The following NLGN1 variants were observed in gnomAD, a reference collection of about 807,000 sequenced individuals.
The protein encoded by NLGN1 is neuroligin 1, also known as neuroligin-1.
NLGN1 carries 12 observed loss-of-function variants against 65.5 expected under a neutral mutation model. That is an observed-to-expected ratio of 0.18 (90% confidence interval 0.12 to 0.30). The LOEUF (loss-of-function observed/expected upper bound fraction) is 0.30. NLGN1 is among the 10% of genes least tolerant of loss of function. The pLI is 1.00. For synonymous variants in NLGN1, 350 were observed against 359.5 expected, an observed-to-expected ratio of 0.97 and a Z score of 0.30; for missense variants, 750 against 1,007.1, an observed-to-expected ratio of 0.74 and a Z score of 3.46.
At chr3:174,113,681 C>T (rs1715721670) in intron 4 of NLGN1, among the ~76,000 whole-genome samples, 1 of 152,122 alleles carries the variant, frequency 6.6e-6, no homozygotes, top group South Asian at 2.1e-4. Flanking sequence ...GCATAAATAA[C>T]ACTTATCTAT....
intron 4 of NLGN1, among the ~76,000 whole-genome samples, chr3:174,073,275 A>C (rs964599183): frequency 6.6e-6 from 1 of 152,124 alleles, no homozygotes; most frequent in African/African-American, 2.4e-5. Context: ...TCCATCGCAA[A>C]GTTTGTGTAC....
chr3:173,904,660 GGGAA>G (rs1199868187), intron 4 of NLGN1, among the ~76,000 whole-genome samples: 1 of 151,986 alleles, frequency 6.6e-6, no homozygotes, highest in Non-Finnish European at 1.5e-5. Context: ...AGAATTTCAG[GGGAA>G]GAGACACTCA....
At chr3:173,602,823 T>C (rs1029267615) in intron 2 of NLGN1, among the ~76,000 whole-genome samples, 2 of 152,054 alleles carry the variant, frequency 1.3e-5, no homozygotes, top group Non-Finnish European at 2.9e-5. Flanking sequence ...CAGCATTATA[T>C]ACACTTTACA....
chr3:174,145,330 T>C (rs1723006917), intron 4 of NLGN1, among the ~76,000 whole-genome samples: 1 of 151,880 alleles, frequency 6.6e-6, no homozygotes, highest in Non-Finnish European at 1.5e-5. Flanking sequence ...CTGGCCAACA[T>C]GATGAAAACC....
At chr3:173,636,914 G>A (rs781000564) in intron 3 of NLGN1, among the ~76,000 whole-genome samples, 68 of 152,186 alleles carry the variant, frequency 4.5e-4, no homozygotes, top group Admixed American at 2.9e-3. Context: ...AGACAATGGG[G>A]TATCTCCTTA....
chr3:174,204,849 GTT>G (rs35124357), intron 4 of NLGN1, among the ~76,000 whole-genome samples: 113,406 of 151,578 alleles, frequency 0.75, 42,363 homozygotes, highest in East Asian at 0.8. Flanking sequence ...CTTCAAACAG[GTT>G]TTTTTTTTAG....
At chr3:173,913,684 A>AG (rs1466783588) in intron 4 of NLGN1, among the ~76,000 whole-genome samples, 1 of 152,194 alleles carries the variant, frequency 6.6e-6, no homozygotes. Flanking sequence ...TCATGCAAAA[A>AG]GTATGTCGAG....
At chr3:173,932,592 T>A (rs1003044461) in intron 4 of NLGN1, among the ~76,000 whole-genome samples, 1 of 152,216 alleles carries the variant, frequency 6.6e-6, no homozygotes, top group East Asian at 1.9e-4. Flanking sequence ...ATACTATTGC[T>A]CAGGAGAATT....
At chr3:174,006,626 C>A (rs116210832) in intron 4 of NLGN1, among the ~76,000 whole-genome samples, 3,193 of 152,178 alleles carry the variant, frequency 0.021, 54 homozygotes, top group Non-Finnish European at 0.032. Context: ...TAGTAATAGA[C>A]CTCAATTGTG....
At chr3:173,894,493 T>C (rs1028825801) in intron 4 of NLGN1, among the ~76,000 whole-genome samples, 1 of 152,238 alleles carries the variant, frequency 6.6e-6, no homozygotes, top group African/African-American at 2.4e-5. Context: ...TTTTCTTTGA[T>C]ATTTATTAAA....
chr3:174,124,974 A>G (rs1718629545), intron 4 of NLGN1, among the ~76,000 whole-genome samples: 2 of 152,046 alleles, frequency 1.3e-5, no homozygotes, highest in African/African-American at 4.8e-5. Context: ...CAGGCTTGGG[A>G]CACTTGAAGA....
intron 3 of NLGN1, among the ~76,000 whole-genome samples, chr3:173,716,049 A>G (rs1037578641): frequency 4.6e-5 from 7 of 152,200 alleles, no homozygotes; most frequent in African/African-American, 1.4e-4. Context: ...TATTCATAAG[A>G]CAATTCTACC....
At chr3:174,146,309 A>ATTTTT (rs1723265164) in intron 4 of NLGN1, among the ~76,000 whole-genome samples, 1 of 152,170 alleles carries the variant, frequency 6.6e-6, no homozygotes, top group Non-Finnish European at 1.5e-5. Flanking sequence ...ATATTTTAAG[A>ATTTTT]TTTTTAAAGA....
chr3:174,114,819 A>C lies in NLGN1; in HGVS notation c.647-160496A>C, dbSNP rs139281050. Among the ~76,000 whole-genome samples, 950 of 152,256 alleles carry C rather than the reference A, an allele frequency of 6.2e-3. 25 individuals carry two copies. The highest frequency in any genetic ancestry group is 0.039 in the East Asian group (201 of 5,170). On this transcript the variant is annotated intron_variant, in intron 4 of 6. Transcript: ENST00000457714. The stretch of plus-strand genomic sequence containing the variant: ...TACCCCAATTCGAAGGTTCCTAACA[A>C]TACTAGGAAGAGACTAGGCTCTTCC...
intron 4 of NLGN1, among the ~76,000 whole-genome samples, chr3:174,199,143 G>A (rs548389896): frequency 6.8e-4 from 103 of 152,146 alleles, no homozygotes; most frequent in African/African-American, 2.2e-3. Flanking sequence ...CACCGCGCCC[G>A]TCCTGCATAT....
At chr3:173,587,416 A>G (rs1299050261) in intron 2 of NLGN1, among the ~76,000 whole-genome samples, 1 of 152,224 alleles carries the variant, frequency 6.6e-6, no homozygotes, top group African/African-American at 2.4e-5. Context: ...AAGTATATAC[A>G]AAACTACACA....
intron 3 of NLGN1, among the ~76,000 whole-genome samples, chr3:173,753,364 C>G (rs1201866254): frequency 1.3e-5 from 2 of 152,138 alleles, no homozygotes; most frequent in African/African-American, 4.8e-5. Context: ...TCATGGTCTT[C>G]CCTGTCTTGG....
rs983484367 is a variant in NLGN1 at position 173,934,283 on chromosome 3, A to G, written c.646+126451A>G. Among the ~76,000 whole-genome samples, 5 of 148,874 alleles carry G rather than the reference A, an allele frequency of 3.4e-5. No homozygotes were observed. In the Admixed American group the frequency reaches 3.4e-4, roughly 10 times the overall value. ...ACTATATAGTATTAATATTAGTAGT[A>G]GTTTTAATATTATACTAATATTATT... is the stretch of plus-strand genomic sequence containing the variant. On this transcript the variant is annotated intron_variant, in intron 4 of 6. Transcript: ENST00000457714.
At chr3:174,188,566 C>A (rs906175451) in intron 4 of NLGN1, among the ~76,000 whole-genome samples, 6 of 151,942 alleles carry the variant, frequency 3.9e-5, no homozygotes, top group Non-Finnish European at 8.8e-5. Flanking sequence ...GATCATAAAG[C>A]AAAGAAATAG....
Sources: allele counts gnomAD v4.1 joint callset (sites outside exome capture counted in the v4.1 genomes callset), GRCh38; gene constraint gnomAD v4.1.1; transcripts MANE v1.5; gene names NCBI Gene and HGNC (gene_info 2026-07-23, HGNC 2026-07-21).